The following MPPED1 variants were observed in gnomAD, a reference collection of about 807,000 sequenced individuals.
The protein encoded by MPPED1 is metallophosphoesterase domain-containing protein 1.
In MPPED1, 16 loss-of-function variants were observed where a neutral mutation model predicts 36.2. The observed-to-expected ratio is 0.44, with a 90% CI of 0.30 to 0.67. The LOEUF is 0.67. MPPED1 is among the 30% of genes least tolerant of loss of function. The pLI is 0.10. For synonymous variants in MPPED1, 199 were observed against 191.3 expected (o/e 1.04, Z -0.33); for missense variants, 307 against 453.4 (o/e 0.68, Z 2.93).
chr22:43,480,335 C>T (rs774922175), intron 4 of MPPED1, among the ~76,000 whole-genome samples: 10 of 152,150 alleles, frequency 6.6e-5, no homozygotes, highest in Admixed American at 1.3e-4. Flanking sequence ...ACAAGCCAGA[C>T]CCCCTGCTCA....
At position 43,412,103 on chromosome 22, in the gene MPPED1, C is replaced by A; in HGVS notation, c.-134C>A. 1.0e-6 allele frequency: 1 copy of A among 979,580 alleles called. No individual in the cohort carries two copies. The highest frequency in any genetic ancestry group is 1.2e-6 in the Non-Finnish European group (1 of 827,682). The allele number at this position is 979,580 out of a possible 1,614,324, so 60.7% of individuals were successfully genotyped here. A position where few individuals can be genotyped will look rare whatever the true frequency, so the allele number is the denominator to read the frequency against. On this transcript the variant is annotated 5_prime_UTR_variant, in exon 1 of 7. Coordinates refer to ENST00000443721, the MANE Select transcript of MPPED1 (RefSeq NM_001044370.2). ...CCCTCCCGGGAGCCCCTGCCTCCCT[C>A]GGTGCGCGCTGCTGCTCGCAGCCGC...
intron 3 of MPPED1, among the ~76,000 whole-genome samples, chr22:43,446,297 C>T (rs867511781): frequency 1.1e-4 from 16 of 152,186 alleles, no homozygotes; most frequent in African/African-American, 3.4e-4. Flanking sequence ...CTGCACTGGG[C>T]GTGATTCTAG....
intron 3 of MPPED1, among the ~76,000 whole-genome samples, chr22:43,444,927 T>C (rs1366900549): frequency 2.0e-5 from 3 of 152,166 alleles, no homozygotes; most frequent in Non-Finnish European, 2.9e-5. Flanking sequence ...AGAATATTGA[T>C]GATAAATTAA....
At chr22:43,477,514 A>G (rs1198281846) in intron 4 of MPPED1, among the ~76,000 whole-genome samples, 2 of 152,154 alleles carry the variant, frequency 1.3e-5, no homozygotes, top group Non-Finnish European at 2.9e-5. Context: ...CCCAGCAGAG[A>G]GTGTCTGGGA....
intron 4 of MPPED1, among the ~76,000 whole-genome samples, chr22:43,477,200 C>G (rs968919313): frequency 6.6e-6 from 1 of 152,214 alleles, no homozygotes; most frequent in Non-Finnish European, 1.5e-5. Flanking sequence ...ATGTGTCAGG[C>G]CCTGTGCCAG....
At chr22:43,488,915 T>G (rs1931999732) in intron 4 of MPPED1, among the ~76,000 whole-genome samples, 1 of 152,174 alleles carries the variant, frequency 6.6e-6, no homozygotes, top group African/African-American at 2.4e-5. Context: ...TGAGGTTGGG[T>G]CCAGGCACTG....
intron 4 of MPPED1, among the ~76,000 whole-genome samples, chr22:43,479,337 A>G (rs1931677359): frequency 1.3e-5 from 2 of 152,258 alleles, no homozygotes. Context: ...CAGGGATGAA[A>G]CAAACACTAG....
chr22:43,435,723 G>A (rs938638743), intron 3 of MPPED1, among the ~76,000 whole-genome samples: 5 of 152,194 alleles, frequency 3.3e-5, no homozygotes, highest in African/African-American at 1.2e-4. Context: ...TGGGTGTGGT[G>A]GCGGGCACCT....
At chr22:43,433,273 C>G (rs1360514307) in intron 2 of MPPED1, among the ~76,000 whole-genome samples, 1 of 152,080 alleles carries the variant, frequency 6.6e-6, no homozygotes, top group Non-Finnish European at 1.5e-5. Flanking sequence ...CCTCTGCTGC[C>G]CTGTCAAAGG....
chr22:43,443,728 T>C (rs1322268308), intron 3 of MPPED1, among the ~76,000 whole-genome samples: 1 of 152,096 alleles, frequency 6.6e-6, no homozygotes, highest in Non-Finnish European at 1.5e-5. Flanking sequence ...TCTCTGAAAG[T>C]GTACAGCAGA....
At chr22:43,459,320 T>A (rs1449808593) in intron 3 of MPPED1, among the ~76,000 whole-genome samples, 1 of 152,208 alleles carries the variant, frequency 6.6e-6, no homozygotes, top group Non-Finnish European at 1.5e-5. Flanking sequence ...ACTCCTGGCT[T>A]CAAGTAATCC....
At chr22:43,448,569 T>G (rs977578824) in intron 3 of MPPED1, among the ~76,000 whole-genome samples, 1 of 147,576 alleles carries the variant, frequency 6.8e-6, no homozygotes, top group South Asian at 2.2e-4. Flanking sequence ...CTAGGCTCTT[T>G]TAAAATCTTT....
intron 4 of MPPED1, among the ~76,000 whole-genome samples, chr22:43,494,571 G>A (rs1459709079): frequency 6.6e-6 from 1 of 152,162 alleles, no homozygotes. Context: ...AGACCTACAC[G>A]AATCCAGTAT....
At position 43,502,482 on chromosome 22, in the gene MPPED1, G is replaced by A. The variant is rs1199641806; in HGVS notation, c.749-162G>A. On this transcript the variant is annotated intron_variant, in intron 5 of 6. Coordinates refer to ENST00000443721, the MANE Select transcript of MPPED1 (RefSeq NM_001044370.2). The surrounding 1 kb of genome is among the most constrained non-coding windows in gnomAD (Gnocchi z 5.5). ...AATGGTTTCAGTCCCTGAAGCCTGA[G>A]GCAGGGCAGGGTTCCGGAGAGCTTG... Among the ~76,000 whole-genome samples, 2 of 152,200 alleles carry A rather than the reference G, an allele frequency of 1.3e-5. No homozygotes were observed. Among genetic ancestry groups the A allele is most frequent in the Non-Finnish European group, 2.9e-5 (2 of 68,006 alleles).
intron 4 of MPPED1, among the ~76,000 whole-genome samples, chr22:43,489,832 A>T (rs1043658443): frequency 3.3e-5 from 5 of 152,136 alleles, no homozygotes; most frequent in African/African-American, 1.2e-4. Flanking sequence ...GTCCACCAAC[A>T]TTCTAATAAA....
chr22:43,453,288 T>C (rs529596502), intron 3 of MPPED1, among the ~76,000 whole-genome samples: 1 of 152,004 alleles, frequency 6.6e-6, no homozygotes, highest in African/African-American at 2.4e-5. Flanking sequence ...CAGTTACTAC[T>C]GCAAAGAACA....
At chr22:43,490,042 C>T (rs143047460) in intron 4 of MPPED1, among the ~76,000 whole-genome samples, 2,890 of 152,246 alleles carry the variant, frequency 0.019, 122 homozygotes, top group African/African-American at 0.066. Context: ...AGGAGGAAAC[C>T]GAGGCTGGAA....
chr22:43,437,156 T>G (rs1929989608), intron 3 of MPPED1, among the ~76,000 whole-genome samples: 3 of 152,164 alleles, frequency 2.0e-5, no homozygotes, highest in Non-Finnish European at 4.4e-5. Flanking sequence ...TTTTGGGAAC[T>G]CACCCACTGC....
Position 43,507,791 on chromosome 22 carries a change from A to ATTTT in MPPED1, c.*2189_*2192dup, listed in dbSNP as rs59503737. 7.4e-6 allele frequency: 1 copy of ATTTT among 134,990 alleles called. No individual in the cohort carries two copies. Among genetic ancestry groups the ATTTT allele is most frequent in the Non-Finnish European group, 1.6e-5 (1 of 64,054 alleles). The allele number at this position is 134,990 out of a possible 1,614,324, so 8.4% of individuals were successfully genotyped here. The stretch of plus-strand genomic sequence containing the variant: ...TTGGCATAACTTGATTGTGGCTGTA[A>ATTTT]TTTTTTTTTTTTTTTTTGTCAAGCA... On this transcript the variant is annotated 3_prime_UTR_variant, in exon 7 of 7. Transcript: ENST00000443721.
Sources: gnomAD v4.1 joint callset for allele counts (sites outside exome capture counted in the v4.1 genomes callset) on GRCh38, gnomAD v4.1.1 for gene constraint, Gnocchi (gnomAD v3.1) non-coding constraint, MANE v1.5 for transcripts, NCBI Gene and HGNC (gene_info 2026-07-23, HGNC 2026-07-21) for gene names.